Variants in MKLN1 observed in about 807,000 individuals in gnomAD.
MKLN1 encodes muskelin 1, also known as muskelin.
In MKLN1, 18 loss-of-function variants were observed where a neutral mutation model predicts 99.0. The observed-to-expected ratio is 0.18, with a 90% confidence interval of 0.13 to 0.27. The LOEUF is 0.27. Among genes scored for constraint, MKLN1 ranks in the 10% least tolerant of loss-of-function variants. The probability of loss-of-function intolerance (pLI) is 1.00; values close to 1 mark genes in which losing one functional copy is unlikely to be tolerated. For synonymous variants in MKLN1, 288 were observed against 293.2 expected, an observed-to-expected ratio of 0.98 and a Z score of 0.18; for missense variants, 621 against 875.9, an observed-to-expected ratio of 0.71 and a Z score of 3.67.
intron 2 of MKLN1, among the ~76,000 whole-genome samples, chr7:131,159,360 A>G (rs906752651): frequency 2.0e-5 from 3 of 152,244 alleles, no homozygotes; most frequent in African/African-American, 4.8e-5. Context: ...ACACAGACAC[A>G]CACATACAAT....
chr7:131,199,765 C>A (rs1456312957), intron 2 of MKLN1, among the ~76,000 whole-genome samples: 1 of 152,220 alleles, frequency 6.6e-6, no homozygotes, highest in Admixed American at 6.5e-5. Context: ...GTGATCTCGA[C>A]TCACTGCAAC....
At chr7:131,365,363 T>A (rs1453485048) in intron 1 of MKLN1, among the ~76,000 whole-genome samples, 2 of 152,206 alleles carry the variant, frequency 1.3e-5, no homozygotes, top group African/African-American at 4.8e-5. Flanking sequence ...GTCAGATACA[T>A]AGTTTGCAAA....
chr7:131,117,778 C>G lies in MKLN1; in HGVS notation c.-419+7571C>G, dbSNP rs543133138. On this transcript the variant is annotated intron_variant, in intron 1 of 7. Coordinates refer to the MKLN1 transcript ENST00000416992. ...GGTTGCCCAGATTAAGGCAGTGAAA[C>G]ACACAGGGAGAGAAATGATGAGAGC... is the stretch of plus-strand genomic sequence containing the variant. Among the ~76,000 whole-genome samples the G allele has an allele frequency of 9.2e-5, 14 of 152,246 alleles. No homozygotes were observed. In the South Asian group the frequency reaches 2.3e-3, roughly 25 times the overall value.
chr7:131,155,071 T>C (rs868266925), intron 2 of MKLN1, among the ~76,000 whole-genome samples: 2 of 152,218 alleles, frequency 1.3e-5, no homozygotes, highest in African/African-American at 2.4e-5. Flanking sequence ...GATGTTCTTA[T>C]AGAGAAATTT....
At chr7:131,254,123 G>A (rs1471441416) in intron 3 of MKLN1, among the ~76,000 whole-genome samples, 1 of 152,176 alleles carries the variant, frequency 6.6e-6, no homozygotes, top group Non-Finnish European at 1.5e-5. Flanking sequence ...GAGAGAGCAG[G>A]GAAAGAGACA....
intron 1 of MKLN1, among the ~76,000 whole-genome samples, chr7:131,349,140 T>C (rs1440569379): frequency 6.6e-6 from 1 of 152,100 alleles, no homozygotes; most frequent in Non-Finnish European, 1.5e-5. Flanking sequence ...TTAGTAAAAT[T>C]AATTACATAT....
At chr7:131,290,214 A>G (rs990385272) in intron 3 of MKLN1, among the ~76,000 whole-genome samples, 1 of 152,158 alleles carries the variant, frequency 6.6e-6, no homozygotes. Context: ...CTGAGGCAGG[A>G]GACTCTCTTG....
chr7:131,359,263 G>C (rs1245655118), intron 1 of MKLN1, among the ~76,000 whole-genome samples: 2 of 152,078 alleles, frequency 1.3e-5, no homozygotes, highest in Non-Finnish European at 2.9e-5. Context: ...AGACTGCTTT[G>C]ACCCATGTAT....
chr7:131,412,220 C>T (rs1025199808), intron 7 of MKLN1, among the ~76,000 whole-genome samples: 3 of 152,066 alleles, frequency 2.0e-5, no homozygotes, highest in Admixed American at 6.6e-5. Context: ...GATTTACTGC[C>T]GTAACAGAAG....
chr7:131,357,610 T>C (rs1289087004), intron 1 of MKLN1, among the ~76,000 whole-genome samples: 1 of 152,230 alleles, frequency 6.6e-6, no homozygotes, highest in Non-Finnish European at 1.5e-5. Flanking sequence ...TACTTTATTA[T>C]AATCCAGTAC....
intron 8 of MKLN1, among the ~76,000 whole-genome samples, chr7:131,428,157 C>T (rs1043559865): frequency 6.6e-6 from 1 of 151,632 alleles, no homozygotes; most frequent in East Asian, 1.9e-4. Context: ...AGAGAGAGAC[C>T]GTGTCTCAAA....
At position 131,120,462 on chromosome 7, in the gene MKLN1, T is replaced by C. The variant is rs1212237798; in HGVS notation, c.-419+10255T>C. Among the ~76,000 whole-genome samples, 3 of 139,680 alleles carry C rather than the reference T, an allele frequency of 2.1e-5. No individual in the cohort carries two copies. The South Asian group carries it at 6.6e-4, about 31-fold the overall frequency. The allele number at this position is 139,680 out of a possible 152,430, so 91.6% of individuals were successfully genotyped here. ...TACTCGGGAGGCTGAGGCAAGAGAA[T>C]GGCGTGAACCCAGGAGGCAGAGCTT... is the stretch of plus-strand genomic sequence containing the variant. On this transcript the variant is annotated intron_variant, in intron 1 of 7. Transcript: ENST00000416992.
intron 2 of MKLN1, among the ~76,000 whole-genome samples, chr7:131,152,592 T>C (rs1165176150): frequency 1.3e-5 from 2 of 150,386 alleles, no homozygotes; most frequent in African/African-American, 2.4e-5. Flanking sequence ...CTCCACCTCC[T>C]GGGGTCAAGC....
At position 131,490,164 on chromosome 7, in the gene MKLN1, T is replaced by G. The variant is rs1252577362; in HGVS notation, c.*2436T>G. Reference sequence around the variant, plus strand: ...ATAGATTATAATTTAAATAATCGAATTTGGTATTTAGGTACATTGTTTATA... The same window carrying G: ...ATAGATTATAATTTAAATAATCGAAGTTGGTATTTAGGTACATTGTTTATA... On this transcript the variant is annotated 3_prime_UTR_variant, in exon 18 of 18. Transcript: ENST00000352689. 1 of 152,604 alleles carries G rather than the reference T, an allele frequency of 6.6e-6. No homozygotes were observed. The highest frequency in any genetic ancestry group is 1.5e-5 in the Non-Finnish European group (1 of 68,038). 9.5% of individuals were successfully genotyped at this position (152,604 alleles called of 1,614,324 possible).
chr7:131,478,487 G>A lies in MKLN1; in HGVS notation c.2032-136G>A, dbSNP rs372709625. On this transcript the variant is annotated intron_variant, in intron 16 of 17. Transcript: ENST00000352689. ...TGTGTTCTTCTTGCCACTATTTGGT[G>A]AATAGACCTATGTCACACATATGCA... 6.8e-5 allele frequency: 53 copies of A among 778,166 alleles called. No homozygotes were observed. The East Asian group carries it at 1.3e-3, about 19-fold the overall frequency. The allele number at this position is 778,166 out of a possible 1,614,324, so 48.2% of individuals were successfully genotyped here.
intron 1 of MKLN1, among the ~76,000 whole-genome samples, chr7:131,341,739 A>G (rs996638504): frequency 6.6e-6 from 1 of 152,262 alleles, no homozygotes; most frequent in Non-Finnish European, 1.5e-5. Context: ...AAACCAAAAC[A>G]GCAACAACAA....
At chr7:131,159,260 G>A (rs1316158047) in intron 2 of MKLN1, among the ~76,000 whole-genome samples, 3 of 152,122 alleles carry the variant, frequency 2.0e-5, no homozygotes, top group Non-Finnish European at 4.4e-5. Flanking sequence ...GGGACAGGCT[G>A]ATCAGGTTCA....
intron 3 of MKLN1, among the ~76,000 whole-genome samples, chr7:131,311,721 T>C (rs1798566950): frequency 6.6e-6 from 1 of 152,120 alleles, no homozygotes; most frequent in South Asian, 2.1e-4. Context: ...AATTCAAAGA[T>C]TGCAAAAAGC....
intron 3 of MKLN1, among the ~76,000 whole-genome samples, chr7:131,224,240 T>C (rs1356203759): frequency 6.6e-6 from 1 of 151,988 alleles, no homozygotes; most frequent in Non-Finnish European, 1.5e-5. Context: ...CTGGTTTCTA[T>C]ACAAAAATTT....
Sources: gnomAD v4.1 joint callset for allele counts (sites outside exome capture counted in the v4.1 genomes callset) on GRCh38, gnomAD v4.1.1 for gene constraint, MANE v1.5 for transcripts, NCBI Gene and HGNC (gene_info 2026-07-23, HGNC 2026-07-21) for gene names.